DHX36: variants seen among roughly 807,000 people sequenced by gnomAD.
DHX36 encodes ATP-dependent DNA/RNA helicase DHX36.
In DHX36, 50 loss-of-function variants were observed where a neutral mutation model predicts 139.0. The ratio of observed to expected loss-of-function variants is 0.36; its 90% CI spans 0.29 to 0.46. The LOEUF (loss-of-function observed/expected upper bound fraction) is 0.46, where lower values mean the gene tolerates loss of function less well. DHX36 is among the 20% of genes least tolerant of loss of function. The probability of loss-of-function intolerance (pLI) is 1.00; values close to 1 mark genes in which losing one functional copy is unlikely to be tolerated. For synonymous variants in DHX36, 425 were observed against 401.9 expected (o/e 1.06, Z -0.69); for missense variants, 1,024 against 1,211.3 (o/e 0.85, Z 2.29).
intron 13 of DHX36, 91 bp downstream of exon 13, chr3:154,295,193 T>G: frequency 1.3e-6 from 1 of 764,656 alleles, no homozygotes; most frequent in South Asian, 1.9e-5. Flanking sequence ...AAAATACTCC[T>G]TAAAAAAAAT....
Position 154,305,177 on chromosome 3 carries a change from G to C in DHX36, c.894-9C>G. 5 of 1,607,926 alleles carry C rather than the reference G, an allele frequency of 3.1e-6. No individual in the cohort carries two copies. The highest frequency in any genetic ancestry group is 4.2e-6 in the Non-Finnish European group (5 of 1,177,240). On this transcript the variant is annotated splice_polypyrimidine_tract_variant and intron_variant, in intron 6 of 24. Transcript: ENST00000496811. ...GTTTCCTTGGCAACCGACTGTGAAT[G>C]AAAGACATGAATTAATAAGCCTTGG...
chr3:154,307,458 C>G (rs931625387), intron 5 of DHX36, among the ~76,000 whole-genome samples: 1 of 152,088 alleles, frequency 6.6e-6, no homozygotes, highest in Non-Finnish European at 1.5e-5. Flanking sequence ...GGGCAAAAGA[C>G]AAGAACAGAC....
Position 154,274,291 on chromosome 3 carries a change from G to A in DHX36, c.*1880C>T. Reference sequence around the variant, plus strand: ...CCACTGCACTCCAGCCTGGGTGACAGGGCAAGACACTGTCTCCAAAAAACA... The same window carrying A: ...CCACTGCACTCCAGCCTGGGTGACAAGGCAAGACACTGTCTCCAAAAAACA... On this transcript the variant is annotated 3_prime_UTR_variant, in exon 25 of 25. Coordinates refer to ENST00000496811, the MANE Select transcript of DHX36 (RefSeq NM_020865.3). The A allele has an allele frequency of 1.1e-5, 2 of 180,424 alleles. No individual in the cohort carries two copies. The highest frequency in any genetic ancestry group is 2.3e-5 in the Non-Finnish European group (2 of 87,950). 11.2% of individuals were successfully genotyped at this position (180,424 alleles called of 1,614,324 possible). A position where few individuals can be genotyped will look rare whatever the true frequency, so the allele number is the denominator to read the frequency against.
intron 12 of DHX36, among the ~76,000 whole-genome samples, chr3:154,298,420 TAA>T: frequency 6.6e-6 from 1 of 152,306 alleles, no homozygotes; most frequent in African/African-American, 2.4e-5. Flanking sequence ...AATTTTTCTA[TAA>T]AGTTATCACA....
In DHX36 at chr3:154,272,915, A is replaced by G. The variant is rs1203214426; in HGVS notation, c.*3256T>C. The stretch of plus-strand genomic sequence containing the variant: ...GACTTTGTTTTAAAAATGCAGTAAT[A>G]GAGAATGCCTTGCAACAATTGGTGT... On this transcript the variant is annotated 3_prime_UTR_variant, in exon 25 of 25. Coordinates refer to ENST00000496811, the MANE Select transcript of DHX36 (RefSeq NM_020865.3). The G allele has an allele frequency of 6.6e-6, 1 of 152,192 alleles. No individual in the cohort carries two copies. The highest frequency in any genetic ancestry group is 1.5e-5 in the Non-Finnish European group (1 of 68,026). 9.4% of individuals were successfully genotyped at this position (152,192 alleles called of 1,614,324 possible). A position where few individuals can be genotyped will look rare whatever the true frequency, so the allele number is the denominator to read the frequency against.
In DHX36 at chr3:154,301,021, G is replaced by T. The variant is rs765639976; in HGVS notation, c.1324C>A (p.Arg442Ser). ...KEEKEAIYKE[R>S]WPDYVRELRR... is the part of the protein sequence containing the mutation. The stretch of plus-strand genomic sequence containing the variant: ...AGTTCCCTTACATAATCTGGCCAAC[G>T]TTCTTTATATATTGCTTCTTTTTCT... The change falls in exon 10 of 25, where the codon CGT (arginine) becomes AGT (serine). Residue 442 changes from arginine to serine, a missense_variant. By Grantham distance (110) the Arg-to-Ser change is moderately radical. This residue lies in a region of DHX36 where 115 missense variants were observed against 105.6 expected (regional missense o/e 1.09). Transcript: ENST00000496811. 1.2e-6 allele frequency: 2 copies of T among 1,613,258 alleles called. No homozygotes were observed. Among genetic ancestry groups the T allele is most frequent in the East Asian group, 2.2e-5 (1 of 44,802 alleles).
rs750537142 is a variant in DHX36 at position 154,324,424 on chromosome 3, G to T, written c.-8C>A. 1.0e-5 allele frequency: 15 copies of T among 1,498,312 alleles called. No homozygotes were observed. In the South Asian group the frequency reaches 1.9e-4, roughly 19 times the overall value. The allele number at this position is 1,498,312 out of a possible 1,614,324, so 92.8% of individuals were successfully genotyped here. On this transcript the variant is annotated 5_prime_UTR_variant, in exon 1 of 25. Coordinates refer to ENST00000496811, the MANE Select transcript of DHX36 (RefSeq NM_020865.3). ...ATGGTAGTCATAACTCATTGTCCTGGCAGACTACAACCCGTCAGAACCAGC... is the reference window on the plus strand; with the variant it reads ...ATGGTAGTCATAACTCATTGTCCTGTCAGACTACAACCCGTCAGAACCAGC...
chr3:154,311,682 T>C lies in DHX36; in HGVS notation c.604-8A>G. On this transcript the variant is annotated splice_polypyrimidine_tract_variant and splice_region_variant and intron_variant, in intron 3 of 24. Transcript: ENST00000496811. ...CAGCTTTTCTCTGAAATGCTGAAATTTAAAAAAAGTTTTAAATTTTCACAG... is the reference window on the plus strand; with the variant it reads ...CAGCTTTTCTCTGAAATGCTGAAATCTAAAAAAAGTTTTAAATTTTCACAG... 2 of 1,594,576 alleles carry C rather than the reference T, an allele frequency of 1.3e-6. No individual in the cohort carries two copies. Among genetic ancestry groups the C allele is most frequent in the Non-Finnish European group, 8.5e-7 (1 of 1,172,790 alleles).
intron 15 of DHX36, among the ~76,000 whole-genome samples, chr3:154,292,177 C>G (rs1711847390): frequency 1.3e-5 from 2 of 152,128 alleles, no homozygotes; most frequent in South Asian, 4.1e-4. Flanking sequence ...CCTCATAGTA[C>G]TGTAGTGAGG....
At chr3:154,279,256 AAAC>A (rs1344627675) in intron 22 of DHX36, 1 of 152,196 alleles carries the variant, frequency 6.6e-6, no homozygotes, top group African/African-American at 2.4e-5. Context: ...GACAACATGA[AAAC>A]AACATGTTTG....
chr3:154,294,441 T>A (rs1373435071), intron 13 of DHX36, among the ~76,000 whole-genome samples: 1 of 152,180 alleles, frequency 6.6e-6, no homozygotes, highest in African/African-American at 2.4e-5. Context: ...TGGTAGTCAA[T>A]ACAGAAAATG....
At position 154,293,113 on chromosome 3, in the gene DHX36, A is replaced by G. The variant is rs886245641; in HGVS notation, c.1671-419T>C. Among the ~76,000 whole-genome samples, 18 of 152,200 alleles carry G rather than the reference A, an allele frequency of 1.2e-4. 2 individuals carry two copies. The highest frequency in any genetic ancestry group is 1.1e-3 in the Admixed American group (17 of 15,270). ...CATCTTAGTACCTCCAAGAGAATAC[A>G]AGAACATTTAAAGGCTGGATATAAC... On this transcript the variant is annotated intron_variant, in intron 14 of 24. Coordinates refer to ENST00000496811, the MANE Select transcript of DHX36 (RefSeq NM_020865.3).
rs1719046480 is a variant in DHX36 at position 154,273,184 on chromosome 3, T to A, written c.*2987A>T. The A allele has an allele frequency of 6.6e-6, 1 of 152,196 alleles. No individual in the cohort carries two copies. Among genetic ancestry groups the A allele is most frequent in the African/African-American group, 2.4e-5 (1 of 41,448 alleles). 9.4% of individuals were successfully genotyped at this position (152,196 alleles called of 1,614,324 possible). On this transcript the variant is annotated 3_prime_UTR_variant, in exon 25 of 25. Transcript: ENST00000496811. ...TAAAATCCACTAAAGAACAAACAGT[T>A]CTTAGACCTGGAATGTATTTTCTAC...
chr3:154,310,827 A>G (rs1182902288), intron 4 of DHX36, among the ~76,000 whole-genome samples: 11 of 35,752 alleles, frequency 3.1e-4, no homozygotes, highest in African/African-American at 8.3e-4. Flanking sequence ...ATATATATAT[A>G]TATATATATA....
intron 3 of DHX36, 27 bp from the exon 4 acceptor site, chr3:154,311,701 T>C (rs1712768747): frequency 6.4e-7 from 1 of 1,570,638 alleles, no homozygotes; most frequent in South Asian, 1.2e-5. Flanking sequence ...GTTTTAAATT[T>C]TCACAGAAGA....
intron 6 of DHX36, 129 bp from the exon 7 acceptor site, chr3:154,305,297 A>T: frequency 1.4e-6 from 1 of 720,964 alleles, no homozygotes; most frequent in Non-Finnish European, 2.3e-6. Flanking sequence ...TTAATTTTTT[A>T]CTTATAAGAA....
chr3:154,293,868 A>AT (rs1268376518), intron 13 of DHX36, 56 bp from the exon 14 acceptor site: 26 of 1,294,250 alleles, frequency 2.0e-5, no homozygotes, highest in Non-Finnish European at 2.6e-5. Flanking sequence ...AATACATTAT[A>AT]TTTGTAATTA....
Position 154,292,595 on chromosome 3 carries a change from C to G in DHX36, c.1770G>C (p.Trp590Cys), listed in dbSNP as rs1468682616. Residue 590 changes from tryptophan (W) to cysteine (C), a missense_variant, in exon 15 of 25, where the codon TGG (tryptophan) becomes TGC (cysteine). By Grantham distance (215) the Trp-to-Cys change is radical. Around this residue, in one of 4 missense-constraint regions of DHX36, gnomAD observed 470 missense variants for 616.2 expected, o/e 0.76. Coordinates refer to ENST00000496811, the MANE Select transcript of DHX36 (RefSeq NM_020865.3). Reference protein sequence around the residue: ...QNNISTMSAEWVSKANAKQRK... With the variant: ...QNNISTMSAECVSKANAKQRK... ...TCTGTTTGGCATTAGCTTTACTAAC[C>G]CACTCAGCGGACATTGTACTGATAT... 6.2e-7 allele frequency: 1 copy of G among 1,614,000 alleles called. No individual in the cohort carries two copies. Among genetic ancestry groups the G allele is most frequent in the Admixed American group, 1.7e-5 (1 of 60,006 alleles).
Position 154,277,649 on chromosome 3 carries a change from T to C in DHX36, c.2637A>G (p.Thr879=). Reference sequence around the variant, plus strand: ...AGATAAGCCAGTTGTAGTGAAAGTCTGTTTGCTCCACATTAACAGATTTAG... The same window carrying C: ...AGATAAGCCAGTTGTAGTGAAAGTCCGTTTGCTCCACATTAACAGATTTAG... ...VHPKSVNVEQ[T]DFHYNWLIYH... is the part of the protein sequence containing the mutation. Residue 879 remains threonine (T), a synonymous_variant, in exon 23 of 25, where the codon ACA becomes ACG. Coordinates refer to ENST00000496811, the MANE Select transcript of DHX36 (RefSeq NM_020865.3). The C allele has an allele frequency of 6.2e-7, 1 of 1,612,620 alleles. No homozygotes were observed.
Sources: allele counts gnomAD v4.1 joint callset (sites outside exome capture counted in the v4.1 genomes callset), GRCh38; gene constraint gnomAD v4.1.1; regional missense constraint gnomAD v4.1.1; transcripts MANE v1.5; gene names NCBI Gene and HGNC (gene_info 2026-07-23, HGNC 2026-07-21).